L2HGDH: variants seen among roughly 807,000 people sequenced by gnomAD.
L2HGDH encodes the protein L-2-hydroxyglutarate dehydrogenase, also known as L-2-hydroxyglutarate dehydrogenase, mitochondrial.
Under a neutral mutation model 51.5 loss-of-function variants are expected in L2HGDH, and 34 were observed. That is an observed-to-expected ratio of 0.66 (90% CI 0.50 to 0.88). The LOEUF (loss-of-function observed/expected upper bound fraction) is 0.88. Among genes scored for constraint, L2HGDH ranks in the 40% least tolerant of loss-of-function variants. The pLI, the probability that L2HGDH is intolerant of heterozygous loss-of-function variation, is 0.00. For missense variants in L2HGDH, 558 were observed against 571.9 expected, an observed-to-expected ratio of 0.98 and a Z score of 0.25; for synonymous variants, 198 against 197.9, an observed-to-expected ratio of 1.00 and a Z score of -0.01.
chr14:50,296,673 T>C (rs1237678242), intron 3 of L2HGDH, among the ~76,000 whole-genome samples: 2 of 151,174 alleles, frequency 1.3e-5, no homozygotes, highest in Non-Finnish European at 2.9e-5. Flanking sequence ...TAATACTAAT[T>C]CTTCATAAAC....
chr14:50,291,192 C>T (rs1365275378), intron 4 of L2HGDH, among the ~76,000 whole-genome samples: 7 of 104,876 alleles, frequency 6.7e-5, no homozygotes, highest in Admixed American at 1.2e-4. Context: ...ACTGAGACTC[C>T]GTCTCAAAAA....
intron 6 of L2HGDH, among the ~76,000 whole-genome samples, chr14:50,270,231 T>C (rs1889592034): frequency 6.6e-6 from 1 of 152,256 alleles, no homozygotes; most frequent in African/African-American, 2.4e-5. Context: ...TATGATTTCC[T>C]ATAAATTTTA....
chr14:50,275,812 G>A (rs1337748940), intron 6 of L2HGDH, among the ~76,000 whole-genome samples: 2 of 152,142 alleles, frequency 1.3e-5, no homozygotes, highest in Non-Finnish European at 2.9e-5. Flanking sequence ...AAATGAGAGT[G>A]GTTCCTTACT....
chr14:50,249,263 C>T (rs1283947215), intron 9 of L2HGDH, among the ~76,000 whole-genome samples: 1 of 152,204 alleles, frequency 6.6e-6, no homozygotes, highest in Non-Finnish European at 1.5e-5. Flanking sequence ...TCCTCAGCTA[C>T]TAGCACTAGG....
rs575256964 is a variant in L2HGDH, at chr14:50,311,307, C to T, written c.140+704G>A. 4.3e-4 allele frequency: 195 copies of T among 455,982 alleles called. 4 individuals carry two copies. Among genetic ancestry groups the T allele is most frequent in the South Asian group, 3.0e-3 (193 of 64,554 alleles). The allele number at this position is 455,982 out of a possible 1,614,324, so 28.2% of individuals were successfully genotyped here. A position where few individuals can be genotyped will look rare whatever the true frequency, so the allele number is the denominator to read the frequency against. On this transcript the variant is annotated intron_variant, in intron 1 of 9. Transcript: ENST00000267436. ...ACTAAAAACCTTGCTGTGATGTAGT[C>T]CTTCTGGGTCATTCCACACCATATG...
At chr14:50,288,281 T>G (rs1890672848) in intron 4 of L2HGDH, among the ~76,000 whole-genome samples, 1 of 152,242 alleles carries the variant, frequency 6.6e-6, no homozygotes, top group African/African-American at 2.4e-5. Flanking sequence ...AGGAAGCTGT[T>G]GTTTTGCATT....
chr14:50,256,706 A>G (rs1433512745), intron 9 of L2HGDH, among the ~76,000 whole-genome samples: 1 of 151,820 alleles, frequency 6.6e-6, no homozygotes, highest in Admixed American at 6.6e-5. Flanking sequence ...TTCTTCACTT[A>G]TTGAGTTTTC....
intron 6 of L2HGDH, among the ~76,000 whole-genome samples, chr14:50,269,534 T>C (rs973897767): frequency 1.3e-5 from 2 of 152,212 alleles, no homozygotes; most frequent in Admixed American, 1.3e-4. Flanking sequence ...TAAGAGGATG[T>C]CACCTTAAAT....
chr14:50,254,566 T>C (rs1309657704), intron 9 of L2HGDH, among the ~76,000 whole-genome samples: 1 of 152,092 alleles, frequency 6.6e-6, no homozygotes, highest in East Asian at 1.9e-4. Flanking sequence ...CTCTGCTGTA[T>C]AGAGAATCAG....
chr14:50,293,233 C>T (rs1453009894), intron 4 of L2HGDH: 2 of 702,272 alleles, frequency 2.8e-6, no homozygotes, highest in Non-Finnish European at 5.2e-6. Context: ...TACTGCAGCA[C>T]AGTGGGAAAA....
chr14:50,284,176 T>C, intron 4 of L2HGDH, 143 bp from the exon 5 acceptor site: 2 of 716,316 alleles, frequency 2.8e-6, no homozygotes. Flanking sequence ...AGTTTTTCTT[T>C]TCCATTTATT....
At chr14:50,271,451 T>C (rs1889680672) in intron 6 of L2HGDH, among the ~76,000 whole-genome samples, 1 of 152,254 alleles carries the variant, frequency 6.6e-6, no homozygotes, top group Non-Finnish European at 1.5e-5. Context: ...AATCATTTTA[T>C]GCTATATGTG....
chr14:50,311,039 G>A (rs992631546), intron 1 of L2HGDH, among the ~76,000 whole-genome samples: 61 of 142,314 alleles, frequency 4.3e-4, no homozygotes, highest in African/African-American at 1.6e-3. Context: ...CGCCTCCCAG[G>A]TTCAAGCGAT....
intron 6 of L2HGDH, among the ~76,000 whole-genome samples, chr14:50,277,026 A>G (rs1890012602): frequency 6.6e-6 from 1 of 152,182 alleles, no homozygotes; most frequent in South Asian, 2.1e-4. Flanking sequence ...AACATTGCCA[A>G]ATGTTCCCCG....
chr14:50,249,882 C>CTTTT (rs747924080), intron 9 of L2HGDH, among the ~76,000 whole-genome samples: 90 of 68,970 alleles, frequency 1.3e-3, no homozygotes, highest in Non-Finnish European at 1.6e-3. Context: ...GCTTACACTC[C>CTTTT]TTTTTTTTTT....
chr14:50,250,746 A>G (rs1888300983), intron 9 of L2HGDH, among the ~76,000 whole-genome samples: 1 of 152,238 alleles, frequency 6.6e-6, no homozygotes, highest in Middle Eastern at 3.2e-3. Flanking sequence ...AAGGGAAAAG[A>G]ACAAGAGTCT....
In L2HGDH at chr14:50,245,425, A is replaced by G; in HGVS notation, c.*1633T>C. The G allele has an allele frequency of 4.1e-6, 4 of 985,228 alleles. No individual in the cohort carries two copies. Among genetic ancestry groups the G allele is most frequent in the Non-Finnish European group, 4.8e-6 (4 of 829,734 alleles). The allele number at this position is 985,228 out of a possible 1,614,324, so 61.0% of individuals were successfully genotyped here. A position where few individuals can be genotyped will look rare whatever the true frequency, so the allele number is the denominator to read the frequency against. ...CTCAGTGTACCACTGTTTAGATTTC[A>G]TGATGATACCATACCACATCAGTTA... On this transcript the variant is annotated 3_prime_UTR_variant, in exon 10 of 10. Transcript: ENST00000267436.
At chr14:50,304,243 G>T (rs1436956236) in intron 1 of L2HGDH, among the ~76,000 whole-genome samples, 2 of 152,100 alleles carry the variant, frequency 1.3e-5, no homozygotes, top group Admixed American at 6.5e-5. Flanking sequence ...ATAATCTTTG[G>T]TATCACCACT....
chr14:50,308,825 T>C (rs2030883279), intron 1 of L2HGDH, among the ~76,000 whole-genome samples: 1 of 152,218 alleles, frequency 6.6e-6, no homozygotes, highest in Non-Finnish European at 1.5e-5. Flanking sequence ...CATAGTAGCT[T>C]TATTCGTAAT....
Sources: allele counts gnomAD v4.1 joint callset (sites outside exome capture counted in the v4.1 genomes callset), GRCh38; gene constraint gnomAD v4.1.1; transcripts MANE v1.5; gene names NCBI Gene and HGNC (gene_info 2026-07-23, HGNC 2026-07-21).